EYS: variants seen among roughly 807,000 people sequenced by gnomAD.
EYS encodes the protein EGF-like photoreceptor maintenance factor, also known as protein eyes shut homolog.
Under a neutral mutation model 282.1 loss-of-function variants are expected in EYS, and 250 were observed. The ratio of observed to expected loss-of-function variants is 0.89; its 90% CI spans 0.80 to 0.98. The LOEUF (loss-of-function observed/expected upper bound fraction) is 0.98. Among genes scored for constraint, EYS ranks in the 50% least tolerant of loss-of-function variants. The pLI is 0.00. For missense variants in EYS, 4,016 were observed against 3,709.0 expected (o/e 1.08, Z -2.15); for synonymous variants, 1,355 against 1,282.9 (o/e 1.06, Z -1.20).
chr6:64,153,783 T>G (rs996639318), intron 31 of EYS, among the ~76,000 whole-genome samples: 2 of 152,208 alleles, frequency 1.3e-5, no homozygotes, highest in Admixed American at 1.3e-4. Flanking sequence ...TACAGCAATT[T>G]TACTTGTAGT....
chr6:64,657,003 G>T (rs1057418907), intron 22 of EYS, among the ~76,000 whole-genome samples: 4 of 152,104 alleles, frequency 2.6e-5, no homozygotes, highest in Admixed American at 6.6e-5. Context: ...CTCTTTCTAG[G>T]TCTCTAAGGA....
At chr6:64,956,570 A>G (rs947501783) in intron 14 of EYS, among the ~76,000 whole-genome samples, 1 of 152,192 alleles carries the variant, frequency 6.6e-6, no homozygotes, top group African/African-American at 2.4e-5. Context: ...ACCAAAGCAA[A>G]AATGGACAAA....
intron 31 of EYS, among the ~76,000 whole-genome samples, chr6:64,165,707 A>G (rs905991275): frequency 1.3e-5 from 2 of 152,172 alleles, no homozygotes; most frequent in Non-Finnish European, 2.9e-5. Flanking sequence ...TAATGCTTTA[A>G]AGATGATTCC....
At chr6:65,492,314 AAAGAAAG>A (rs1036070302) in intron 4 of EYS, among the ~76,000 whole-genome samples, 2 of 104,574 alleles carry the variant, frequency 1.9e-5, no homozygotes, top group East Asian at 6.3e-4. Context: ...AAAGAGAGAG[AAAGAAAG>A]AAGAAAGAAA....
chr6:64,535,353 C>A (rs1157183808), intron 26 of EYS, among the ~76,000 whole-genome samples: 1 of 151,946 alleles, frequency 6.6e-6, no homozygotes, highest in Non-Finnish European at 1.5e-5. Flanking sequence ...TATGTCAAAC[C>A]AGGCATTAAG....
chr6:65,320,309 G>C (rs1769437245), intron 11 of EYS, among the ~76,000 whole-genome samples: 1 of 151,986 alleles, frequency 6.6e-6, no homozygotes, highest in Admixed American at 6.6e-5. Flanking sequence ...ATAAGGGCAT[G>C]GTGACCAGGA....
At chr6:64,986,766 G>T (rs116087515) in intron 14 of EYS, among the ~76,000 whole-genome samples, 53,037 of 150,364 alleles carry the variant, frequency 0.35, 11,454 homozygotes, top group Admixed American at 0.49. Flanking sequence ...TAAAATTGAT[G>T]TATTTTAGAA....
At position 64,251,417 on chromosome 6, in the gene EYS, T is replaced by C. The variant is rs1767212816; in HGVS notation, c.6192-20593A>G. Among the ~76,000 whole-genome samples the C allele has an allele frequency of 3.3e-5, 5 of 152,138 alleles. No individual in the cohort carries two copies. The South Asian group carries it at 1.0e-3, about 31-fold the overall frequency. ...GCTAGGGTTGCTTCTGATGTCTATA[T>C]AAGCAATCTTGTTTTACTGAGTGTA... is the stretch of plus-strand genomic sequence containing the variant. On this transcript the variant is annotated intron_variant, in intron 30 of 42. Transcript: ENST00000503581.
intron 26 of EYS, among the ~76,000 whole-genome samples, chr6:64,466,074 G>A (rs76143269): frequency 1.3e-5 from 2 of 151,992 alleles, no homozygotes; most frequent in African/African-American, 2.4e-5. Flanking sequence ...CTGTTAGAAT[G>A]GTTATTATCT....
At chr6:65,388,973 A>G (rs894368416) in intron 7 of EYS, among the ~76,000 whole-genome samples, 8 of 152,014 alleles carry the variant, frequency 5.3e-5, no homozygotes, top group African/African-American at 1.9e-4. Flanking sequence ...CATCTTAAAT[A>G]TACATCCACA....
chr6:64,381,945 C>T (rs2150420363), intron 29 of EYS, among the ~76,000 whole-genome samples: 1 of 152,246 alleles, frequency 6.6e-6, no homozygotes, highest in Middle Eastern at 3.4e-3. Flanking sequence ...TAGAGGTGGT[C>T]ATTTCTTTTA....
chr6:65,629,740 C>T (rs1387273115), intron 2 of EYS, among the ~76,000 whole-genome samples: 2 of 152,134 alleles, frequency 1.3e-5, no homozygotes, highest in Non-Finnish European at 2.9e-5. Flanking sequence ...ATTAAACCTC[C>T]TTCTCTGCTG....
intron 33 of EYS, among the ~76,000 whole-genome samples, chr6:64,038,864 G>A (rs1433354204): frequency 6.6e-5 from 10 of 151,062 alleles, no homozygotes; most frequent in South Asian, 6.3e-4. Flanking sequence ...GAGTGCAGTC[G>A]CGCGATCTTG....
chr6:64,451,887 C>G (rs1266637670), intron 26 of EYS, among the ~76,000 whole-genome samples: 1 of 152,128 alleles, frequency 6.6e-6, no homozygotes, highest in Non-Finnish European at 1.5e-5. Flanking sequence ...CTATGACAAA[C>G]CCACAGCCAA....
chr6:65,684,176 T>A (rs1244209376), intron 1 of EYS, among the ~76,000 whole-genome samples: 1 of 151,996 alleles, frequency 6.6e-6, no homozygotes, highest in Non-Finnish European at 1.5e-5. Flanking sequence ...CAAATTCTGA[T>A]AAAACCAGGA....
rs114364038 is a variant in EYS at position 64,971,771 on chromosome 6, A to G, written c.2259+25811T>C. Among the ~76,000 whole-genome samples, 282 of 152,278 alleles carry G rather than the reference A, an allele frequency of 1.9e-3. 2 individuals carry two copies. The highest frequency in any genetic ancestry group is 6.7e-3 in the African/African-American group (278 of 41,570). On this transcript the variant is annotated intron_variant, in intron 14 of 42. Coordinates refer to ENST00000503581, the MANE Select transcript of EYS (RefSeq NM_001142800.2). ...AGGTTAATTACACACAGTACTCTCT[A>G]GAAAGGATTGTCAGTGCTGGAAGAG...
intron 2 of EYS, among the ~76,000 whole-genome samples, chr6:65,610,581 A>C (rs540236579): frequency 1.3e-5 from 2 of 152,240 alleles, no homozygotes; most frequent in Admixed American, 6.6e-5. Flanking sequence ...CATCCTATAT[A>C]TAAAGCAAAT....
intron 14 of EYS, among the ~76,000 whole-genome samples, chr6:64,946,795 G>C (rs1397459618): frequency 6.6e-6 from 1 of 151,870 alleles, no homozygotes; most frequent in East Asian, 1.9e-4. Context: ...GGAATGCCAA[G>C]TATCTCACTA....
At chr6:64,567,263 A>C (rs556352810) in intron 26 of EYS, among the ~76,000 whole-genome samples, 1 of 152,194 alleles carries the variant, frequency 6.6e-6, no homozygotes, top group African/African-American at 2.4e-5. Context: ...AGTATAATAC[A>C]TTTTATAAAG....
Sources: gnomAD v4.1 joint callset for allele counts (sites outside exome capture counted in the v4.1 genomes callset) on GRCh38, gnomAD v4.1.1 for gene constraint, MANE v1.5 for transcripts, NCBI Gene and HGNC (gene_info 2026-07-23, HGNC 2026-07-21) for gene names.